Variants in ZNF566 observed in about 807,000 individuals in gnomAD.
ZNF566 encodes zinc finger protein 566.
A neutral mutation model predicts 32.8 loss-of-function variants in ZNF566; 27 were observed. The ratio of observed to expected loss-of-function variants is 0.82; its 90% CI spans 0.61 to 1.14. The LOEUF is 1.14. Ranked by LOEUF, ZNF566 falls within the 50% of genes most tolerant of loss-of-function variation. ZNF566 has a pLI of 0.00. For synonymous variants in ZNF566, 154 were observed against 159.5 expected, an observed-to-expected ratio of 0.97 and a Z score of 0.26; for missense variants, 402 against 490.4, an observed-to-expected ratio of 0.82 and a Z score of 1.70.
intron 4 of ZNF566, among the ~76,000 whole-genome samples, chr19:36,459,152 G>A (rs1331836514): frequency 6.6e-6 from 1 of 152,216 alleles, no homozygotes; most frequent in East Asian, 1.9e-4. Context: ...AAGAAAAATT[G>A]ATGTAAGAAA....
At chr19:36,483,232 G>T (rs1239861351) in intron 1 of ZNF566, among the ~76,000 whole-genome samples, 1 of 152,208 alleles carries the variant, frequency 6.6e-6, no homozygotes, top group Non-Finnish European at 1.5e-5. Context: ...TTAAACATAT[G>T]AGTGTAAACT....
chr19:36,456,380 C>CAAAAAAA (rs59964294), intron 4 of ZNF566: 13 of 96,504 alleles, frequency 1.3e-4, no homozygotes, highest in South Asian at 3.3e-4. Flanking sequence ...TACTAAAATA[C>CAAAAAAA]AAAAAAAAAA....
intron 1 of ZNF566, among the ~76,000 whole-genome samples, chr19:36,487,110 A>AAC (rs2034186559): frequency 1.3e-5 from 2 of 148,970 alleles, no homozygotes; most frequent in South Asian, 4.2e-4. Context: ...AAAAAAACAA[A>AAC]CCAAAACAAG....
chr19:36,462,148 T>C (rs2912411), intron 4 of ZNF566, among the ~76,000 whole-genome samples: 82,893 of 151,410 alleles, frequency 0.55, 23,074 homozygotes, highest in African/African-American at 0.62. Context: ...ACCACCACGC[T>C]TGGCTAATTT....
chr19:36,482,192 G>A (rs1244873538), intron 1 of ZNF566, among the ~76,000 whole-genome samples: 1 of 152,098 alleles, frequency 6.6e-6, no homozygotes, highest in Non-Finnish European at 1.5e-5. Context: ...TGCAAGCTCC[G>A]CCTCCCAGGT....
chr19:36,458,502 G>A lies in ZNF566; in HGVS notation c.233-8501C>T, dbSNP rs149888397. On this transcript the variant is annotated intron_variant, in intron 4 of 4. Transcript: ENST00000452939. ...TGGAGGTCACCAGGGGTTGGGGGACGGAGGAAAGAAGATATTGGTCAAAGG... is the reference window on the plus strand; with the variant it reads ...TGGAGGTCACCAGGGGTTGGGGGACAGAGGAAAGAAGATATTGGTCAAAGG... 7.1e-3 allele frequency among the ~76,000 whole-genome samples: 1,078 copies of A among 152,136 alleles called. 12 individuals carry two copies. Among genetic ancestry groups the A allele is most frequent in the African/African-American group, 0.025 (1,019 of 41,502 alleles).
At chr19:36,474,367 T>C (rs1277937357) in intron 2 of ZNF566, among the ~76,000 whole-genome samples, 2 of 152,026 alleles carry the variant, frequency 1.3e-5, no homozygotes, top group East Asian at 1.9e-4. Flanking sequence ...ACTAGGCAAA[T>C]GAGGGGGGAA....
At chr19:36,486,896 G>A (rs1310891767) in intron 1 of ZNF566, among the ~76,000 whole-genome samples, 1 of 150,660 alleles carries the variant, frequency 6.6e-6, no homozygotes, top group Non-Finnish European at 1.5e-5. Flanking sequence ...GAGGCGGGCG[G>A]GAGTTTCACA....
chr19:36,466,971 A>C (rs892916074), intron 4 of ZNF566, among the ~76,000 whole-genome samples: 1 of 150,098 alleles, frequency 6.7e-6, no homozygotes, highest in African/African-American at 2.5e-5. Context: ...TGGGAGGCTG[A>C]GGTAGGAGAA....
rs1218505466 is a variant in ZNF566 at position 36,446,295 on chromosome 19, A to AT, written c.*2681dup. On this transcript the variant is annotated 3_prime_UTR_variant, in exon 5 of 5. Coordinates refer to ENST00000452939, the MANE Select transcript of ZNF566 (RefSeq NM_001145344.1). ...TTTTTTTTTTTTTTTTTTGAGACAG[A>AT]TTTTTTGAGACTCTGTCATGCAGGC... 7 of 134,020 alleles carry AT rather than the reference A, an allele frequency of 5.2e-5. No homozygotes were observed. Among genetic ancestry groups the AT allele is most frequent in the Non-Finnish European group, 9.6e-5 (6 of 62,788 alleles). The allele number at this position is 134,020 out of a possible 1,614,324, so 8.3% of individuals were successfully genotyped here. A position where few individuals can be genotyped will look rare whatever the true frequency, so the allele number is the denominator to read the frequency against.
intron 4 of ZNF566, among the ~76,000 whole-genome samples, chr19:36,459,610 A>G (rs1312877015): frequency 6.7e-6 from 1 of 149,416 alleles, no homozygotes; most frequent in Admixed American, 6.7e-5. Context: ...TTCCAGGTTC[A>G]AGCGATTCTC....
At chr19:36,471,634 A>C (rs2033768480) in intron 4 of ZNF566, among the ~76,000 whole-genome samples, 1 of 151,364 alleles carries the variant, frequency 6.6e-6, no homozygotes, top group Non-Finnish European at 1.5e-5. Flanking sequence ...CCCTTCCTCT[A>C]CTTCTTATTT....
At chr19:36,487,666 G>A (rs1190819661) in intron 1 of ZNF566, among the ~76,000 whole-genome samples, 2 of 152,112 alleles carry the variant, frequency 1.3e-5, no homozygotes, top group Non-Finnish European at 1.5e-5. Flanking sequence ...CCAGCACTTT[G>A]GGAGGCCAAG....
chr19:36,473,139 A>G lies in ZNF566; in HGVS notation c.137-133T>C, dbSNP rs914793194. 6.0e-5 allele frequency: 63 copies of G among 1,055,766 alleles called. 1 individual carries two copies. The Admixed American group carries it at 1.4e-3, about 24-fold the overall frequency. The allele number at this position is 1,055,766 out of a possible 1,614,324, so 65.4% of individuals were successfully genotyped here. On this transcript the variant is annotated intron_variant, in intron 3 of 4. Coordinates refer to ENST00000452939, the MANE Select transcript of ZNF566 (RefSeq NM_001145344.1). ...GAGAGGTACAACGGACTTATGAAAC[A>G]TAACGGAAGATGTAAAACATCCCCA...
chr19:36,464,450 C>G lies in ZNF566; in HGVS notation c.232+8461G>C, dbSNP rs77203203. 1.1e-3 allele frequency among the ~76,000 whole-genome samples: 170 copies of G among 152,244 alleles called. 3 individuals are homozygous for G. The East Asian group carries it at 0.02, about 18-fold the overall frequency. ...GGGATTATAGGCATGAGCTACCACA[C>G]CCAGCCAATTCGTTTTCTATATAGG... On this transcript the variant is annotated intron_variant, in intron 4 of 4. Transcript: ENST00000452939.
intron 1 of ZNF566, among the ~76,000 whole-genome samples, chr19:36,487,256 A>C (rs80024850): frequency 6.6e-6 from 1 of 152,180 alleles, no homozygotes; most frequent in African/African-American, 2.4e-5. Flanking sequence ...GATGGAGTGT[A>C]AACTGGAACA....
chr19:36,449,505 A>T lies in ZNF566; in HGVS notation c.729T>A (p.Thr243=). Residue 243 remains threonine, a synonymous_variant, in exon 5 of 5, where the codon ACT becomes ACA. Coordinates refer to ENST00000452939, the MANE Select transcript of ZNF566 (RefSeq NM_001145344.1). ...GKTFICGSDL[T]RHHRIHTGEK... The stretch of plus-strand genomic sequence containing the variant: ...CACCAGTGTGAATTCTGTGATGTCG[A>T]GTAAGGTCTGAGCCACAAATAAAGG... The T allele has an allele frequency of 6.2e-7, 1 of 1,614,164 alleles. No individual in the cohort carries two copies. Among genetic ancestry groups the T allele is most frequent in the Non-Finnish European group, 8.5e-7 (1 of 1,180,028 alleles).
At chr19:36,483,759 C>G (rs1252350443) in intron 1 of ZNF566, among the ~76,000 whole-genome samples, 2 of 152,026 alleles carry the variant, frequency 1.3e-5, no homozygotes, top group African/African-American at 4.8e-5. Flanking sequence ...AATCAGGCAG[C>G]CCCCAGAATC....
At chr19:36,455,691 G>A in intron 4 of ZNF566, among the ~76,000 whole-genome samples, 1 of 152,088 alleles carries the variant, frequency 6.6e-6, no homozygotes. Context: ...AGCGAGCCAA[G>A]ATCATGCCAC....
Sources: allele counts gnomAD v4.1 joint callset (sites outside exome capture counted in the v4.1 genomes callset), GRCh38; gene constraint gnomAD v4.1.1; transcripts MANE v1.5; gene names NCBI Gene and HGNC (gene_info 2026-07-23, HGNC 2026-07-21).